The following KIF17 variants were observed in gnomAD, a reference collection of about 807,000 sequenced individuals.
The protein encoded by KIF17 is kinesin family member 17.
KIF17 carries 80 observed loss-of-function variants against 96.8 expected under a neutral mutation model. The ratio of observed to expected loss-of-function variants is 0.83; its 90% CI spans 0.69 to 1.00. KIF17 has a LOEUF of 1.00. Ranked by LOEUF, KIF17 falls within the 50% of genes least tolerant of loss-of-function variation. KIF17 has a pLI of 0.00. For synonymous variants in KIF17, 567 were observed against 587.5 expected, an observed-to-expected ratio of 0.97 and a Z score of 0.51; for missense variants, 1,280 against 1,372.9, an observed-to-expected ratio of 0.93 and a Z score of 1.07.
rs557431399 is a variant in KIF17 at position 20,670,692 on chromosome 1, C to T, written c.2723-204G>A. Among the ~76,000 whole-genome samples, 10 of 152,286 alleles carry T rather than the reference C, an allele frequency of 6.6e-5. No individual in the cohort carries two copies. In the South Asian group the frequency reaches 1.9e-3, roughly 28 times the overall value. Reference sequence around the variant, plus strand: ...GACCCTCATCTGCTTGCAGGCAAGACAGCAGCCAAGGGGCTTCCAGGCAAG... The same window carrying T: ...GACCCTCATCTGCTTGCAGGCAAGATAGCAGCCAAGGGGCTTCCAGGCAAG... On this transcript the variant is annotated intron_variant, in intron 12 of 14. Transcript: ENST00000400463.
At position 20,688,044 on chromosome 1, in the gene KIF17, G is replaced by T. The variant is rs1027007206; in HGVS notation, c.1382-100C>A. ...GCCCAGTGTGTTGTTTTTTTTGTTT[G>T]TTTTTTTTTTGTTTTTTTTTGAGAC... On this transcript the variant is annotated intron_variant, in intron 7 of 14. Coordinates refer to ENST00000400463, the MANE Select transcript of KIF17 (RefSeq NM_001122819.3). 1.5e-4 allele frequency: 138 copies of T among 918,618 alleles called. No homozygotes were observed. The East Asian group carries it at 2.9e-3, about 20-fold the overall frequency. 56.9% of individuals were successfully genotyped at this position (918,618 alleles called of 1,614,324 possible). A position where few individuals can be genotyped will look rare whatever the true frequency, so the allele number is the denominator to read the frequency against.
chr1:20,717,396 G>A, intron 1 of KIF17, 80 bp downstream of exon 1: 2 of 1,523,648 alleles, frequency 1.3e-6, no homozygotes, highest in Non-Finnish European at 1.8e-6. Flanking sequence ...TCCTGGCTGG[G>A]GGGCAGCGCA....
Position 20,664,504 on chromosome 1 carries a change from G to A in KIF17, c.*80C>T. Reference sequence around the variant, plus strand: ...CCGGAGCGCTGTGTGGCAGGTGGGAGGAGACCTGGTTGGGGCTGCCCTGGG... The same window carrying A: ...CCGGAGCGCTGTGTGGCAGGTGGGAAGAGACCTGGTTGGGGCTGCCCTGGG... On this transcript the variant is annotated 3_prime_UTR_variant, in exon 15 of 15. Transcript: ENST00000400463. The A allele has an allele frequency of 1.2e-6, 2 of 1,611,260 alleles. No individual in the cohort carries two copies. Among genetic ancestry groups the A allele is most frequent in the Admixed American group, 1.7e-5 (1 of 59,938 alleles).
At position 20,700,709 on chromosome 1, in the gene KIF17, G is replaced by C. The variant is rs749310141; in HGVS notation, c.1124-2221C>G. Among the ~76,000 whole-genome samples the C allele has an allele frequency of 6.6e-6, 1 of 152,146 alleles. No individual in the cohort carries two copies. The highest frequency in any genetic ancestry group is 2.4e-5 in the African/African-American group (1 of 41,432). On this transcript the variant is annotated intron_variant, in intron 5 of 14. Coordinates refer to ENST00000400463, the MANE Select transcript of KIF17 (RefSeq NM_001122819.3). The surrounding 1 kb of genome is among the most constrained non-coding windows in gnomAD (Gnocchi z 4.6). ...GCAGGGTTAGACTGCCCTTCAGGGC[G>C]AGCGAATTCCTAGAAACCGTAAACC...
At chr1:20,669,316 T>C (rs2053594046) in intron 13 of KIF17, among the ~76,000 whole-genome samples, 1 of 151,870 alleles carries the variant, frequency 6.6e-6, no homozygotes, top group Non-Finnish European at 1.5e-5. Flanking sequence ...AGCGGGCAGA[T>C]CACGAGGTCA....
intron 11 of KIF17, among the ~76,000 whole-genome samples, chr1:20,680,482 C>T (rs1266804701): frequency 1.4e-4 from 21 of 151,708 alleles, no homozygotes; most frequent in African/African-American, 3.9e-4. Context: ...AAGGCCGAGG[C>T]GGGAGGATTG....
chr1:20,712,900 T>TA (rs2054499131), intron 3 of KIF17, among the ~76,000 whole-genome samples: 4 of 114,504 alleles, frequency 3.5e-5, no homozygotes, highest in African/African-American at 1.0e-4. Context: ...GATAATATTA[T>TA]CTATATTATA....
At chr1:20,673,377 TTTTGTTTGTTTG>T (rs35008753) in intron 11 of KIF17, among the ~76,000 whole-genome samples, 6 of 150,472 alleles carry the variant, frequency 4.0e-5, no homozygotes, top group African/African-American at 1.2e-4. Context: ...GTTCCATTTC[TTTTGTTTGTTTG>T]TTTGTTTGTT....
chr1:20,711,350 G>A (rs1248410304), intron 3 of KIF17, among the ~76,000 whole-genome samples: 1 of 152,130 alleles, frequency 6.6e-6, no homozygotes, highest in Non-Finnish European at 1.5e-5. Context: ...ATGGCCTCAG[G>A]GGTCCCCCTC....
intron 11 of KIF17, among the ~76,000 whole-genome samples, chr1:20,682,416 C>A (rs543411144): frequency 6.6e-6 from 1 of 152,112 alleles, no homozygotes; most frequent in African/African-American, 2.4e-5. Flanking sequence ...CTCAGCTACT[C>A]GGGAGACTGA....
chr1:20,682,938 C>T (rs772406660), intron 10 of KIF17, 54 bp from the exon 11 acceptor site: 419 of 1,507,876 alleles, frequency 2.8e-4, no homozygotes, highest in African/African-American at 1.5e-3. Context: ...TCACCGAGCA[C>T]GTGCCATCCA....
intron 11 of KIF17, among the ~76,000 whole-genome samples, chr1:20,676,092 TAAACTC>T (rs1236771198): frequency 6.6e-6 from 1 of 152,146 alleles, no homozygotes; most frequent in African/African-American, 2.4e-5. Context: ...TGTACCAAGA[TAAACTC>T]TAACTAGATC....
intron 11 of KIF17, among the ~76,000 whole-genome samples, chr1:20,679,524 G>A (rs1198331545): frequency 6.6e-6 from 1 of 152,132 alleles, no homozygotes; most frequent in Admixed American, 6.6e-5. Context: ...AGAAGGCAGA[G>A]AGGCAGGCAG....
Position 20,682,718 on chromosome 1 carries a change from C to A in KIF17, c.2398G>T (p.Val800Phe). 3 of 1,613,820 alleles carry A rather than the reference C, an allele frequency of 1.9e-6. No individual in the cohort carries two copies. The highest frequency in any genetic ancestry group is 2.2e-5 in the East Asian group (1 of 44,892). ...EDSGDWVLLNVYDSIQEEVRA... is the reference protein window; with the variant it reads ...EDSGDWVLLNFYDSIQEEVRA... ...ACTTCCTCCTGGATGGAGTCGTAGA[C>A]GTTAAGCAGCACCCAGTCCCCGCTG... Residue 800 changes from valine (V) to phenylalanine (F), a missense_variant, in exon 11 of 15, where the codon GTC becomes TTC. Physicochemically the swap from Val to Phe is conservative, Grantham distance 50 (BLOSUM62 -1). Transcript: ENST00000400463.
At chr1:20,680,754 G>A (rs189735753) in intron 11 of KIF17, among the ~76,000 whole-genome samples, 1 of 152,150 alleles carries the variant, frequency 6.6e-6, no homozygotes, top group African/African-American at 2.4e-5. Context: ...TAGAAATGTA[G>A]ACCTAATTCA....
intron 5 of KIF17, among the ~76,000 whole-genome samples, chr1:20,702,599 C>A (rs1232189545): frequency 6.6e-6 from 1 of 152,194 alleles, no homozygotes; most frequent in African/African-American, 2.4e-5. Context: ...CCTCCCATCA[C>A]CCCTATGCCC....
rs562792585 is a variant in KIF17 at position 20,690,245 on chromosome 1, G to T, written c.1324C>A (p.Arg442Ser). Residue 442 changes from arginine to serine, a missense_variant, in exon 7 of 15, where the codon CGC becomes AGC. Transcript: ENST00000400463. ...ARLEEDITAM[R>S]NSYDVRLSTL... ...GACAGCCTGACGTCATATGAGTTGC[G>T]CATGGCAGTGATGTCTTCCTCCAGC... 1 of 1,611,942 alleles carries T rather than the reference G, an allele frequency of 6.2e-7. No homozygotes were observed. Among genetic ancestry groups the T allele is most frequent in the African/African-American group, 1.3e-5 (1 of 74,542 alleles).
intron 2 of KIF17, 121 bp downstream of exon 2, chr1:20,715,372 C>G (rs2054558336): frequency 2.3e-6 from 3 of 1,307,284 alleles, no homozygotes; most frequent in Non-Finnish European, 3.3e-6. Flanking sequence ...AGAGCCTTCT[C>G]TGCTGATCTG....
chr1:20,686,288 AGAT>A (rs1421042001), intron 8 of KIF17, 162 bp from the exon 9 acceptor site: 3 of 690,702 alleles, frequency 4.3e-6, no homozygotes, highest in Non-Finnish European at 8.0e-6. Context: ...AGGAGGGAAG[AGAT>A]GAGGGAGAGA....
Sources: gnomAD v4.1 joint callset for allele counts (sites outside exome capture counted in the v4.1 genomes callset) on GRCh38, gnomAD v4.1.1 for gene constraint, Gnocchi (gnomAD v3.1) non-coding constraint, MANE v1.5 for transcripts, NCBI Gene and HGNC (gene_info 2026-07-23, HGNC 2026-07-21) for gene names.